Variants in SNX3 observed in about 807,000 individuals in gnomAD.
SNX3 encodes the protein sorting nexin 3, also known as sorting nexin-3.
A neutral mutation model predicts 17.7 loss-of-function variants in SNX3; 5 were observed. That is an observed-to-expected ratio of 0.28 (90% CI 0.15 to 0.59). The LOEUF (loss-of-function observed/expected upper bound fraction) is 0.59, where lower values mean the gene tolerates loss of function less well. Ranked by LOEUF, SNX3 falls within the 20% of genes least tolerant of loss-of-function variation. The pLI, the probability that SNX3 is intolerant of heterozygous loss-of-function variation, is 0.88. For missense variants in SNX3, 132 were observed against 206.8 expected (o/e 0.64, Z 2.22); for synonymous variants, 91 against 76.5 (o/e 1.19, Z -0.99).
rs1345185591 is a variant in SNX3, at chr6:108,260,795, G to C, written c.127C>G (p.Arg43Gly). The change falls in exon 1 of 4, where the codon CGG becomes GGG. Residue 43 changes from arginine (R) to glycine (G), a missense_variant. By Grantham distance (125) the Arg-to-Gly change is moderately radical. This residue lies in a region of SNX3 where 78 missense variants were observed against 88.8 expected (regional missense o/e 0.88). Coordinates refer to ENST00000230085, the MANE Select transcript of SNX3 (RefSeq NM_003795.6). The stretch of plus-strand genomic sequence containing the variant: ...ATTTCGTAAGTGGTGAAGCGGCCCC[G>C]GCCGACCCCCACCGTTTGCGGGTTG... ...VSNPQTVGVG[R>G]GRFTTYEIRV... 6.2e-7 allele frequency: 1 copy of C among 1,613,920 alleles called. No homozygotes were observed. The highest frequency in any genetic ancestry group is 8.5e-7 in the Non-Finnish European group (1 of 1,179,874).
chr6:108,260,401 C>A (rs564312160), intron 1 of SNX3, among the ~76,000 whole-genome samples: 90 of 152,316 alleles, frequency 5.9e-4, no homozygotes, highest in African/African-American at 2.1e-3. Context: ...TTGCGCAAGC[C>A]CCTTTTCTCT....
intron 1 of SNX3, among the ~76,000 whole-genome samples, chr6:108,245,779 G>A (rs1775670146): frequency 6.6e-6 from 1 of 152,112 alleles, no homozygotes; most frequent in Non-Finnish European, 1.5e-5. Flanking sequence ...CATATCCTTT[G>A]CCCACTTTTT....
chr6:108,238,711 G>A (rs1238023769), intron 1 of SNX3, among the ~76,000 whole-genome samples: 1 of 152,074 alleles, frequency 6.6e-6, no homozygotes, highest in East Asian at 1.9e-4. Context: ...GAAATTCCAG[G>A]TTTTATTCAC....
intron 1 of SNX3, among the ~76,000 whole-genome samples, chr6:108,245,431 T>C (rs1297425543): frequency 6.6e-6 from 1 of 152,232 alleles, no homozygotes; most frequent in Non-Finnish European, 1.5e-5. Context: ...TGTGCATGTC[T>C]TTATAGTAGA....
At chr6:108,258,326 C>T (rs1005518858) in intron 1 of SNX3, among the ~76,000 whole-genome samples, 68 of 151,868 alleles carry the variant, frequency 4.5e-4, no homozygotes, top group African/African-American at 1.5e-3. Context: ...GGCGTGGTGG[C>T]GCATGCCTGT....
At chr6:108,217,213 AC>A (rs1170857543) in intron 2 of SNX3, among the ~76,000 whole-genome samples, 1 of 151,300 alleles carries the variant, frequency 6.6e-6, no homozygotes, top group Non-Finnish European at 1.5e-5. Flanking sequence ...AAAAAATGTA[AC>A]AATATATATA....
intron 1 of SNX3, among the ~76,000 whole-genome samples, chr6:108,223,759 C>T (rs1385942403): frequency 1.3e-5 from 2 of 152,148 alleles, no homozygotes. Context: ...GCCTCGGCCT[C>T]CCAAAATGCT....
intron 1 of SNX3, among the ~76,000 whole-genome samples, chr6:108,234,193 G>A (rs963929139): frequency 6.6e-6 from 1 of 151,870 alleles, no homozygotes; most frequent in East Asian, 1.9e-4. Context: ...AAAGGGTGGA[G>A]ACCAGTATTT....
intron 1 of SNX3, among the ~76,000 whole-genome samples, chr6:108,242,408 A>C (rs1775547415): frequency 6.6e-6 from 1 of 152,238 alleles, no homozygotes; most frequent in Non-Finnish European, 1.5e-5. Context: ...AAAATCTTGA[A>C]TACAGTGGCA....
intron 2 of SNX3, among the ~76,000 whole-genome samples, chr6:108,217,122 A>G (rs1221495278): frequency 6.6e-6 from 1 of 152,196 alleles, no homozygotes; most frequent in Non-Finnish European, 1.5e-5. Flanking sequence ...AATGACCACC[A>G]TTAATTCAGG....
chr6:108,227,060 T>C (rs1281937863), intron 1 of SNX3, among the ~76,000 whole-genome samples: 1 of 152,212 alleles, frequency 6.6e-6, no homozygotes, highest in Non-Finnish European at 1.5e-5. Context: ...GGAATAAAAT[T>C]AGGTCCCCTG....
rs1466358854 is a variant in SNX3 at position 108,228,765 on chromosome 6, T to C, written c.163-5720A>G. On this transcript the variant is annotated intron_variant, in intron 1 of 3. Transcript: ENST00000230085. ...CTATTAAATACACATAACTTTTGAA[T>C]GAACAATTTCAATGGGAATTAATCC... Among the ~76,000 whole-genome samples the C allele has an allele frequency of 3.9e-5, 6 of 151,984 alleles. No individual in the cohort carries two copies. The South Asian group carries it at 1.2e-3, about 31-fold the overall frequency.
rs930499366 is a variant in SNX3 at position 108,211,863 on chromosome 6, C to T, written c.*286G>A. On this transcript the variant is annotated 3_prime_UTR_variant, in exon 4 of 4. Coordinates refer to ENST00000230085, the MANE Select transcript of SNX3 (RefSeq NM_003795.6). ...AAGACCAAGCCAGTAACTTTAGTTA[C>T]GACACTGCAGATTACACTGGAATAA... is the stretch of plus-strand genomic sequence containing the variant. The T allele has an allele frequency of 3.6e-5, 8 of 222,750 alleles. No homozygotes were observed. Among genetic ancestry groups the T allele is most frequent in the African/African-American group, 7.0e-5 (3 of 42,756 alleles). 13.8% of individuals were successfully genotyped at this position (222,750 alleles called of 1,614,324 possible). A position where few individuals can be genotyped will look rare whatever the true frequency, so the allele number is the denominator to read the frequency against.
intron 2 of SNX3, among the ~76,000 whole-genome samples, chr6:108,215,223 G>C (rs905826290): frequency 6.6e-6 from 1 of 152,022 alleles, no homozygotes; most frequent in African/African-American, 2.4e-5. Context: ...GGTGGCGGGC[G>C]CCTGTAGGCC....
chr6:108,242,327 G>C (rs569995183), intron 1 of SNX3, among the ~76,000 whole-genome samples: 1 of 152,196 alleles, frequency 6.6e-6, no homozygotes, highest in Non-Finnish European at 1.5e-5. Flanking sequence ...GAAGCTCAAT[G>C]AACTCTAAGT....
intron 2 of SNX3, among the ~76,000 whole-genome samples, chr6:108,216,349 C>G (rs1486626446): frequency 2.6e-5 from 4 of 152,164 alleles, no homozygotes; most frequent in Non-Finnish European, 5.9e-5. Flanking sequence ...AACATAGCAC[C>G]CCCAGCTGAG....
Position 108,212,103 on chromosome 6 carries a change from CT to C in SNX3, c.*45del, listed in dbSNP as rs1454874686. 1 of 995,722 alleles carries C rather than the reference CT, an allele frequency of 1.0e-6. No homozygotes were observed. The allele number at this position is 995,722 out of a possible 1,614,324, so 61.7% of individuals were successfully genotyped here. On this transcript the variant is annotated 3_prime_UTR_variant, in exon 4 of 4. Transcript: ENST00000230085. ...AAAAGTTAGAACTTCTTCACTGGTG[CT>C]TATCAATCATTAATAGTCACGTTTT...
At chr6:108,217,280 T>A (rs1323568278) in intron 2 of SNX3, among the ~76,000 whole-genome samples, 1 of 151,844 alleles carries the variant, frequency 6.6e-6, no homozygotes, top group Non-Finnish European at 1.5e-5. Flanking sequence ...AGGATAGCTA[T>A]GCATTATCCT....
chr6:108,254,267 C>T (rs182589154), intron 1 of SNX3, among the ~76,000 whole-genome samples: 21 of 151,972 alleles, frequency 1.4e-4, no homozygotes, highest in Admixed American at 9.8e-4. Flanking sequence ...TTGTCTGAGA[C>T]AAGCCTGGGC....
Sources: gnomAD v4.1 joint callset for allele counts (sites outside exome capture counted in the v4.1 genomes callset) on GRCh38, gnomAD v4.1.1 for gene constraint, gnomAD v4.1.1 regional missense constraint, MANE v1.5 for transcripts, NCBI Gene and HGNC (gene_info 2026-07-23, HGNC 2026-07-21) for gene names.